DYM: variants seen among roughly 807,000 people sequenced by gnomAD.
DYM encodes the protein dyggve-Melchior-Clausen syndrome protein.
A neutral mutation model predicts 93.1 loss-of-function variants in DYM; 78 were observed. That is an observed-to-expected ratio of 0.84 (90% CI 0.70 to 1.01). The LOEUF is 1.01. DYM is among the 50% of genes least tolerant of loss of function. DYM has a pLI of 0.00. For missense variants in DYM, 789 were observed against 845.0 expected (o/e 0.93, Z 0.82); for synonymous variants, 321 against 319.7 (o/e 1.00, Z -0.04).
chr18:49,073,465 T>TC (rs11373505), intron 17 of DYM, among the ~76,000 whole-genome samples: 14,995 of 151,708 alleles, frequency 0.099, 947 homozygotes, highest in East Asian at 0.27. Flanking sequence ...CATAAAATAG[T>TC]CAAATGAACA....
intron 2 of DYM, among the ~76,000 whole-genome samples, chr18:49,395,201 C>G (rs1174874330): frequency 6.6e-6 from 1 of 152,004 alleles, no homozygotes; most frequent in Non-Finnish European, 1.5e-5. Flanking sequence ...AAGAGACAAT[C>G]CACAGAAAAG....
At chr18:49,363,882 G>C (rs529778435) in intron 5 of DYM, among the ~76,000 whole-genome samples, 246 of 152,200 alleles carry the variant, frequency 1.6e-3, no homozygotes, top group Non-Finnish European at 2.9e-3. Flanking sequence ...CTACAGGTAA[G>C]TGACCTCCAA....
intron 2 of DYM, among the ~76,000 whole-genome samples, chr18:49,425,529 C>A (rs1005673636): frequency 2.1e-4 from 32 of 152,060 alleles, no homozygotes; most frequent in African/African-American, 6.3e-4. Flanking sequence ...GCAACAAAAG[C>A]CAAAATTGAC....
chr18:49,136,546 T>G (rs912004782), intron 15 of DYM, among the ~76,000 whole-genome samples: 1 of 152,134 alleles, frequency 6.6e-6, no homozygotes. Flanking sequence ...ACACCATGAG[T>G]TGGGAGCTGC....
chr18:49,260,711 A>G (rs1024651341), intron 11 of DYM, among the ~76,000 whole-genome samples: 3 of 152,224 alleles, frequency 2.0e-5, no homozygotes, highest in South Asian at 2.1e-4. Flanking sequence ...CATCTTGAAC[A>G]CTACACATCT....
At chr18:49,290,219 C>A in intron 8 of DYM, among the ~76,000 whole-genome samples, 1 of 151,754 alleles carries the variant, frequency 6.6e-6, no homozygotes, top group Non-Finnish European at 1.5e-5. Flanking sequence ...TATGGTTAAA[C>A]TATACCATGG....
intron 13 of DYM, among the ~76,000 whole-genome samples, chr18:49,242,979 C>T (rs548053079): frequency 2.6e-5 from 4 of 152,134 alleles, no homozygotes; most frequent in Non-Finnish European, 5.9e-5. Context: ...GGATTACAGG[C>T]GTGAGCCACC....
In DYM at chr18:49,170,311, G is replaced by A. The variant is rs527412041; in HGVS notation, c.1626-6524C>T. Among the ~76,000 whole-genome samples the A allele has an allele frequency of 2.0e-5, 3 of 152,232 alleles. No individual in the cohort carries two copies. In the East Asian group the frequency reaches 5.8e-4, roughly 29 times the overall value. On this transcript the variant is annotated intron_variant, in intron 14 of 17. Coordinates refer to ENST00000675505, the MANE Select transcript of DYM (RefSeq NM_001353214.3). The stretch of plus-strand genomic sequence containing the variant: ...TCTGTGCTCTTAACAAATCTTCTAG[G>A]AAACCTACAGGTGCTCAGGAACAAC...
chr18:49,265,150 CAT>C (rs1207066333), intron 11 of DYM, among the ~76,000 whole-genome samples: 3 of 152,078 alleles, frequency 2.0e-5, no homozygotes, highest in Non-Finnish European at 4.4e-5. Context: ...CCCATGGTAA[CAT>C]GTGGTAAAAA....
intron 5 of DYM, among the ~76,000 whole-genome samples, chr18:49,373,138 T>C: frequency 6.6e-6 from 1 of 152,156 alleles, no homozygotes; most frequent in East Asian, 1.9e-4. Context: ...ACAATAAAAA[T>C]GATATTGTTA....
chr18:49,191,599 A>C (rs1434026195), intron 14 of DYM, among the ~76,000 whole-genome samples: 2 of 152,214 alleles, frequency 1.3e-5, no homozygotes, highest in African/African-American at 4.8e-5. Flanking sequence ...TTAAATGACC[A>C]AGAAAAATGG....
chr18:49,094,941 A>G (rs1306266544), intron 17 of DYM, among the ~76,000 whole-genome samples: 2 of 152,214 alleles, frequency 1.3e-5, no homozygotes, highest in Non-Finnish European at 2.9e-5. Flanking sequence ...CTGAGTTTCT[A>G]AGTGTTTAAT....
chr18:49,439,319 T>A (rs1321973240), intron 1 of DYM, among the ~76,000 whole-genome samples: 1 of 152,224 alleles, frequency 6.6e-6, no homozygotes, highest in Non-Finnish European at 1.5e-5. Flanking sequence ...CTATCTTCAA[T>A]GCAATGTAGT....
chr18:49,310,750 C>T (rs1266737227), intron 8 of DYM, among the ~76,000 whole-genome samples: 2 of 152,012 alleles, frequency 1.3e-5, no homozygotes, highest in Admixed American at 6.6e-5. Context: ...GTTGCCTTTA[C>T]ATTAAAAAAC....
intron 15 of DYM, among the ~76,000 whole-genome samples, chr18:49,157,570 A>T (rs1454102817): frequency 1.3e-5 from 2 of 152,228 alleles, no homozygotes; most frequent in African/African-American, 4.8e-5. Context: ...ACAGGTCACA[A>T]GCCACAGAAC....
chr18:49,355,164 A>G (rs1217864092), intron 6 of DYM, among the ~76,000 whole-genome samples: 1 of 152,040 alleles, frequency 6.6e-6, no homozygotes, highest in African/African-American at 2.4e-5. Flanking sequence ...TGATAGATAC[A>G]TTGATCAACA....
At chr18:49,337,725 C>A (rs972743525) in intron 6 of DYM, among the ~76,000 whole-genome samples, 2 of 152,038 alleles carry the variant, frequency 1.3e-5, no homozygotes, top group African/African-American at 2.4e-5. Flanking sequence ...CTATGAAATC[C>A]GGCAAATCCC....
intron 2 of DYM, among the ~76,000 whole-genome samples, chr18:49,399,801 T>C (rs2070555660): frequency 6.6e-6 from 1 of 152,000 alleles, no homozygotes; most frequent in Non-Finnish European, 1.5e-5. Context: ...AGACCTTCAT[T>C]ACCAGGAGAC....
chr18:49,075,826 C>T (rs1364987866), intron 17 of DYM, among the ~76,000 whole-genome samples: 2 of 152,204 alleles, frequency 1.3e-5, no homozygotes, highest in Non-Finnish European at 2.9e-5. Context: ...TTATGAAGTG[C>T]TCTTTGCAGT....
Sources: gnomAD v4.1 joint callset for allele counts (sites outside exome capture counted in the v4.1 genomes callset) on GRCh38, gnomAD v4.1.1 for gene constraint, MANE v1.5 for transcripts, NCBI Gene and HGNC (gene_info 2026-07-23, HGNC 2026-07-21) for gene names.